The following NEGR1 variants were observed in gnomAD, a reference collection of about 807,000 sequenced individuals.
NEGR1 encodes neuronal growth regulator 1.
A neutral mutation model predicts 40.9 loss-of-function variants in NEGR1; 10 were observed. The observed-to-expected ratio is 0.24, with a 90% CI of 0.15 to 0.42. The LOEUF (loss-of-function observed/expected upper bound fraction) is 0.42, where lower values mean the gene tolerates loss of function less well. Ranked by LOEUF, NEGR1 falls within the 10% of genes least tolerant of loss-of-function variation. NEGR1 has a pLI of 1.00. For synonymous variants in NEGR1, 185 were observed against 166.8 expected, an observed-to-expected ratio of 1.11 and a Z score of -0.84; for missense variants, 352 against 438.9, an observed-to-expected ratio of 0.80 and a Z score of 1.77.
At chr1:71,793,667 A>G (rs1016625125) in intron 2 of NEGR1, among the ~76,000 whole-genome samples, 2 of 152,156 alleles carry the variant, frequency 1.3e-5, no homozygotes, top group Non-Finnish European at 2.9e-5. Flanking sequence ...TTTAATTGCA[A>G]CATTGGATTC....
intron 2 of NEGR1, among the ~76,000 whole-genome samples, chr1:71,805,890 A>C (rs1275555409): frequency 6.6e-6 from 1 of 152,228 alleles, no homozygotes. Flanking sequence ...AAACTGCTTA[A>C]GTTCTCATTA....
intron 1 of NEGR1, among the ~76,000 whole-genome samples, chr1:72,031,596 T>C (rs1406715864): frequency 2.6e-5 from 4 of 152,148 alleles, no homozygotes; most frequent in Admixed American, 1.3e-4. Flanking sequence ...TCTGAGAGCA[T>C]CACAAAGCAT....
intron 1 of NEGR1, among the ~76,000 whole-genome samples, chr1:72,118,280 A>T (rs559238821): frequency 6.6e-6 from 1 of 151,856 alleles, no homozygotes; most frequent in Non-Finnish European, 1.5e-5. Context: ...TGGCACCTAC[A>T]AGCTGTAGCA....
intron 6 of NEGR1, among the ~76,000 whole-genome samples, chr1:71,547,967 C>T (rs1647957687): frequency 6.6e-6 from 1 of 151,692 alleles, no homozygotes; most frequent in East Asian, 2.0e-4. Flanking sequence ...CTGTTGTGGG[C>T]AGCTCTATGA....
intron 5 of NEGR1, among the ~76,000 whole-genome samples, chr1:71,599,783 T>A (rs2101530293): frequency 6.6e-6 from 1 of 152,318 alleles, no homozygotes; most frequent in Non-Finnish European, 1.5e-5. Context: ...AGATTAGAGA[T>A]ATTTGGGCTG....
intron 3 of NEGR1, among the ~76,000 whole-genome samples, chr1:71,733,477 T>A (rs1484365770): frequency 6.6e-6 from 1 of 152,214 alleles, no homozygotes; most frequent in Admixed American, 6.5e-5. Context: ...TATTCTCTTA[T>A]TTGCCATCAT....
chr1:72,174,988 T>G (rs1342162767), intron 1 of NEGR1, among the ~76,000 whole-genome samples: 1 of 151,940 alleles, frequency 6.6e-6, no homozygotes, highest in African/African-American at 2.4e-5. Flanking sequence ...TTATTATACT[T>G]TAAGTTTTAG....
intron 6 of NEGR1, among the ~76,000 whole-genome samples, chr1:71,481,897 C>A (rs1464952903): frequency 6.6e-6 from 1 of 151,650 alleles, no homozygotes; most frequent in Non-Finnish European, 1.5e-5. Context: ...ATTAATTTTC[C>A]TTTGTTTCTC....
intron 2 of NEGR1, among the ~76,000 whole-genome samples, chr1:71,858,700 C>T (rs528448512): frequency 6.6e-6 from 1 of 152,168 alleles, no homozygotes; most frequent in African/African-American, 2.4e-5. Context: ...CCTAATGGCT[C>T]TCCCAGCAGA....
chr1:71,858,779 A>G lies in NEGR1; in HGVS notation c.409+76300T>C, dbSNP rs1659858204. Among the ~76,000 whole-genome samples, 3 of 152,238 alleles carry G rather than the reference A, an allele frequency of 2.0e-5. No homozygotes were observed. The South Asian group carries it at 6.2e-4, about 32-fold the overall frequency. On this transcript the variant is annotated intron_variant, in intron 2 of 6. Transcript: ENST00000357731. ...AAAATACAAAATAATATTTTACTGC[A>G]TTTCAAAATATCATTTAATTGCCCT... is the stretch of plus-strand genomic sequence containing the variant.
intron 2 of NEGR1, among the ~76,000 whole-genome samples, chr1:71,826,590 A>T (rs1658633732): frequency 6.6e-6 from 1 of 151,884 alleles, no homozygotes; most frequent in African/African-American, 2.4e-5. Context: ...TTAATATTAT[A>T]TGCGAGCCTA....
intron 6 of NEGR1, among the ~76,000 whole-genome samples, chr1:71,457,591 G>C (rs548331066): frequency 1.3e-4 from 20 of 152,310 alleles, no homozygotes; most frequent in African/African-American, 4.8e-4. Context: ...CGAATTCAGC[G>C]AGGACATTAA....
At chr1:71,455,383 T>G (rs1274650185) in intron 6 of NEGR1, among the ~76,000 whole-genome samples, 1 of 152,210 alleles carries the variant, frequency 6.6e-6, no homozygotes, top group Non-Finnish European at 1.5e-5. Context: ...ATTAAGCAGC[T>G]TGTTCAAGTT....
intron 6 of NEGR1, among the ~76,000 whole-genome samples, chr1:71,530,094 T>A (rs1054987348): frequency 6.6e-6 from 1 of 151,276 alleles, no homozygotes; most frequent in African/African-American, 2.4e-5. Flanking sequence ...CTGCTTTAAC[T>A]CTCTGGCAGT....
At chr1:71,952,437 A>G (rs906287900) in intron 1 of NEGR1, among the ~76,000 whole-genome samples, 2 of 151,950 alleles carry the variant, frequency 1.3e-5, no homozygotes, top group Non-Finnish European at 1.5e-5. Flanking sequence ...CTTCAGTTCT[A>G]TGAAGGCTGA....
At chr1:71,478,481 C>T (rs1034759879) in intron 6 of NEGR1, among the ~76,000 whole-genome samples, 2 of 151,896 alleles carry the variant, frequency 1.3e-5, no homozygotes, top group African/African-American at 4.8e-5. Context: ...ATTTTTCTTT[C>T]CTTTGGCCTT....
At chr1:71,721,240 T>C (rs961139006) in intron 3 of NEGR1, among the ~76,000 whole-genome samples, 1 of 152,164 alleles carries the variant, frequency 6.6e-6, no homozygotes, top group African/African-American at 2.4e-5. Flanking sequence ...TCGAATCCCT[T>C]GTCCTTGATT....
At chr1:71,540,667 C>T (rs1030477166) in intron 6 of NEGR1, among the ~76,000 whole-genome samples, 8 of 151,638 alleles carry the variant, frequency 5.3e-5, no homozygotes, top group African/African-American at 9.7e-5. Context: ...AAATTCAAAT[C>T]GGCACTCTAA....
At chr1:71,535,426 A>G (rs1647482373) in intron 6 of NEGR1, among the ~76,000 whole-genome samples, 1 of 151,764 alleles carries the variant, frequency 6.6e-6, no homozygotes, top group Non-Finnish European at 1.5e-5. Flanking sequence ...TAAATTGCTT[A>G]TGTAAAGCCA....
Sources: allele counts gnomAD v4.1 joint callset (sites outside exome capture counted in the v4.1 genomes callset), GRCh38; gene constraint gnomAD v4.1.1; transcripts MANE v1.5; gene names NCBI Gene and HGNC (gene_info 2026-07-23, HGNC 2026-07-21).